Variants in ABCB5 observed in about 807,000 individuals in gnomAD.
The protein encoded by ABCB5 is ATP-binding cassette sub-family B member 5.
A neutral mutation model predicts 144.2 loss-of-function variants in ABCB5; 155 were observed. That is an observed-to-expected ratio of 1.08 (90% CI 0.94 to 1.23). The LOEUF (loss-of-function observed/expected upper bound fraction) is 1.23, where lower values mean the gene tolerates loss of function less well. Ranked by LOEUF, ABCB5 falls within the 50% of genes most tolerant of loss-of-function variation. The pLI is 0.00. For synonymous variants in ABCB5, 610 were observed against 528.6 expected (o/e 1.15, Z -2.11); for missense variants, 1,830 against 1,520.8 (o/e 1.20, Z -3.38).
intron 16 of ABCB5, among the ~76,000 whole-genome samples, chr7:20,694,170 A>C (rs1240442238): frequency 6.8e-6 from 1 of 147,256 alleles, no homozygotes; most frequent in Non-Finnish European, 1.5e-5. Context: ...ATGAGATTAC[A>C]AAAAAAATAA....
At chr7:20,632,820 A>G (rs1784066826) in intron 5 of ABCB5, among the ~76,000 whole-genome samples, 1 of 137,410 alleles carries the variant, frequency 7.3e-6, no homozygotes. Flanking sequence ...ATGAGAACAC[A>G]TGGACACAGG....
chr7:20,641,365 A>G (rs1784291825), intron 5 of ABCB5, among the ~76,000 whole-genome samples: 1 of 151,956 alleles, frequency 6.6e-6, no homozygotes, highest in Admixed American at 6.6e-5. Flanking sequence ...ACACACACAC[A>G]CACACACACA....
At chr7:20,685,568 C>T (rs1447863203) in intron 15 of ABCB5, 128 bp from the exon 16 acceptor site, 1 of 785,912 alleles carries the variant, frequency 1.3e-6, no homozygotes, top group Non-Finnish European at 1.9e-6. Context: ...AGCTGTTCAG[C>T]AAGAACTACA....
At chr7:20,738,839 T>G in intron 23 of ABCB5, 144 bp from the exon 24 acceptor site, 1 of 827,772 alleles carries the variant, frequency 1.2e-6, no homozygotes, top group Non-Finnish European at 1.7e-6. Context: ...TTTAAAGAGA[T>G]AACTTGGTGG....
chr7:20,654,885 C>A (rs750617872), intron 13 of ABCB5, among the ~76,000 whole-genome samples: 8 of 151,976 alleles, frequency 5.3e-5, no homozygotes, highest in Non-Finnish European at 8.8e-5. Flanking sequence ...AAAAGATCTA[C>A]AGTCTGCAAA....
chr7:20,729,616 T>C (rs933989254), intron 23 of ABCB5, among the ~76,000 whole-genome samples: 1 of 152,230 alleles, frequency 6.6e-6, no homozygotes, highest in African/African-American at 2.4e-5. Context: ...TGAGTATTAA[T>C]TCTGAGCTGA....
chr7:20,694,054 T>C (rs1469276082), intron 16 of ABCB5, among the ~76,000 whole-genome samples: 1 of 151,058 alleles, frequency 6.6e-6, no homozygotes, highest in East Asian at 1.9e-4. Flanking sequence ...AAAAAAACTT[T>C]AAGCCATATG....
rs202100779 is a variant in ABCB5 at position 20,643,234 on chromosome 7, A to T, written c.365A>T (p.Tyr122Phe). 1.6e-4 allele frequency: 251 copies of T among 1,613,556 alleles called. No homozygotes were observed. The highest frequency in any genetic ancestry group is 4.9e-4 in the Middle Eastern group (3 of 6,062). The change falls in exon 6 of 28, where the codon TAC (tyrosine) becomes TTC (phenylalanine). Residue 122 changes from tyrosine (Y) to phenylalanine (F), a missense_variant. Tyr to Phe is a conservative substitution (Grantham distance 22). Transcript: ENST00000404938. ...GGTGTTGCTGCCTTGATTTTTGGTT[A>T]CATACAGATTTCCTTGTGGATTATA... ...GIGVAALIFG[Y>F]IQISLWIITA... is the part of the protein sequence containing the mutation.
chr7:20,699,770 T>C, intron 17 of ABCB5, 55 bp from the exon 18 acceptor site: 1 of 1,252,020 alleles, frequency 8.0e-7, no homozygotes, highest in Non-Finnish European at 1.1e-6. Context: ...TTTCACTTTT[T>C]CTGTTTCTTT....
rs555434641 is a variant in ABCB5, at chr7:20,676,714, A to G, written c.1708-4791A>G. The stretch of plus-strand genomic sequence containing the variant: ...AGTTGGCAATATTGTATTGTATTGT[A>G]CACTTAAAATTTTAAGAGGATAGAT... On this transcript the variant is annotated intron_variant, in intron 14 of 27. Transcript: ENST00000404938. Among the ~76,000 whole-genome samples, 4 of 152,340 alleles carry G rather than the reference A, an allele frequency of 2.6e-5. No individual in the cohort carries two copies. The South Asian group carries it at 8.3e-4, about 32-fold the overall frequency.
intron 2 of ABCB5, among the ~76,000 whole-genome samples, chr7:20,624,407 T>C (rs73684573): frequency 0.068 from 10,347 of 152,246 alleles, 690 homozygotes; most frequent in African/African-American, 0.17. Context: ...ACAGACCTCA[T>C]TGGTGAACCA....
chr7:20,676,197 C>CAG (rs930952547), intron 14 of ABCB5, among the ~76,000 whole-genome samples: 10 of 149,880 alleles, frequency 6.7e-5, no homozygotes, highest in African/African-American at 2.4e-4. Context: ...CACACACACA[C>CAG]ACATATGTAT....
chr7:20,725,610 T>C (rs1366581368), intron 21 of ABCB5, among the ~76,000 whole-genome samples: 2 of 152,162 alleles, frequency 1.3e-5, no homozygotes, highest in Admixed American at 6.6e-5. Context: ...TTGAATAGCT[T>C]AATTAGTTTT....
At chr7:20,690,237 G>A (rs1006523719) in intron 16 of ABCB5, among the ~76,000 whole-genome samples, 4 of 152,054 alleles carry the variant, frequency 2.6e-5, no homozygotes, top group Non-Finnish European at 5.9e-5. Flanking sequence ...CATCACGAAC[G>A]GATACCACAG....
At chr7:20,713,710 C>T (rs1286831243) in intron 20 of ABCB5, among the ~76,000 whole-genome samples, 1 of 149,468 alleles carries the variant, frequency 6.7e-6, no homozygotes, top group Non-Finnish European at 1.5e-5. Context: ...GGAGTGGAGC[C>T]TACTACAAAG....
intron 14 of ABCB5, among the ~76,000 whole-genome samples, chr7:20,664,110 T>C (rs1476744290): frequency 6.6e-6 from 1 of 151,174 alleles, no homozygotes; most frequent in Non-Finnish European, 1.5e-5. Flanking sequence ...AATTAATAAA[T>C]AAAAGAATAG....
At chr7:20,655,204 A>G (rs920417655) in intron 13 of ABCB5, among the ~76,000 whole-genome samples, 1 of 152,110 alleles carries the variant, frequency 6.6e-6, no homozygotes, top group Non-Finnish European at 1.5e-5. Context: ...ATTTTTTGAC[A>G]TAAAGTCCTG....
chr7:20,744,108 A>G (rs892726754), intron 25 of ABCB5, among the ~76,000 whole-genome samples: 2 of 152,070 alleles, frequency 1.3e-5, no homozygotes, highest in Non-Finnish European at 2.9e-5. Flanking sequence ...TCTGTGGCCC[A>G]GGCTGGAGTA....
chr7:20,705,411 G>T (rs376570400), intron 20 of ABCB5, among the ~76,000 whole-genome samples: 28 of 152,228 alleles, frequency 1.8e-4, no homozygotes, highest in African/African-American at 6.3e-4. Context: ...TATAGAAGAG[G>T]TAAGTAATAA....
Sources: gnomAD v4.1 joint callset for allele counts (sites outside exome capture counted in the v4.1 genomes callset) on GRCh38, gnomAD v4.1.1 for gene constraint, MANE v1.5 for transcripts, NCBI Gene and HGNC (gene_info 2026-07-23, HGNC 2026-07-21) for gene names.